DLGAP5: variants seen among roughly 807,000 people sequenced by gnomAD.
DLGAP5 encodes disks large-associated protein 5.
A neutral mutation model predicts 99.6 loss-of-function variants in DLGAP5; 90 were observed. The observed-to-expected ratio is 0.90, with a 90% confidence interval of 0.76 to 1.08. The LOEUF (loss-of-function observed/expected upper bound fraction) is 1.08. DLGAP5 is among the 50% of genes least tolerant of loss of function. The pLI is 0.00. For synonymous variants in DLGAP5, 311 were observed against 321.3 expected, an observed-to-expected ratio of 0.97 and a Z score of 0.34; for missense variants, 1,036 against 983.5, an observed-to-expected ratio of 1.05 and a Z score of -0.71.
intron 9 of DLGAP5, 135 bp downstream of exon 9, chr14:55,175,758 TG>T: frequency 1.3e-6 from 1 of 749,006 alleles, no homozygotes; most frequent in Non-Finnish European, 2.0e-6. Context: ...CCAAATGATA[TG>T]GTGAAAAAGA....
chr14:55,148,895 GAGGCTGTATCTTA>G (rs1203381981), intron 18 of DLGAP5, among the ~76,000 whole-genome samples: 11 of 152,098 alleles, frequency 7.2e-5, no homozygotes, highest in Non-Finnish European at 1.2e-4. Context: ...GAATAAAACT[GAGGCTGTATCTTA>G]AGCCACTTAC....
At chr14:55,161,569 C>T (rs1349373700) in intron 13 of DLGAP5, among the ~76,000 whole-genome samples, 1 of 150,872 alleles carries the variant, frequency 6.6e-6, no homozygotes, top group African/African-American at 2.4e-5. Context: ...GCCACCTCGC[C>T]CAGCTAATTT....
At chr14:55,181,400 A>G (rs984283597) in intron 4 of DLGAP5, 103 bp from the exon 5 acceptor site, 7 of 850,686 alleles carry the variant, frequency 8.2e-6, no homozygotes, top group African/African-American at 3.6e-5. Context: ...TGATCATCGT[A>G]AATGACCCAA....
chr14:55,150,971 A>AC lies in DLGAP5; in HGVS notation c.2369-124dup, dbSNP rs1195409937. 1.7e-5 allele frequency: 10 copies of AC among 594,964 alleles called. No individual in the cohort carries two copies. The African/African-American group carries it at 2.0e-4, about 12-fold the overall frequency. The allele number at this position is 594,964 out of a possible 1,614,324, so 36.9% of individuals were successfully genotyped here. ...ATCAAATGCTAAGACAAAAATATAG[A>AC]CCCCTATGCTATAATGTTTTTTGAA... On this transcript the variant is annotated intron_variant, in intron 17 of 18. Coordinates refer to ENST00000247191, the MANE Select transcript of DLGAP5 (RefSeq NM_014750.5).
Position 55,189,294 on chromosome 14 carries a change from T to C in DLGAP5, c.-1-114A>G, listed in dbSNP as rs898471663. 6 of 766,740 alleles carry C rather than the reference T, an allele frequency of 7.8e-6. No homozygotes were observed. The African/African-American group carries it at 8.9e-5, about 11-fold the overall frequency. 47.5% of individuals were successfully genotyped at this position (766,740 alleles called of 1,614,324 possible). A position where few individuals can be genotyped will look rare whatever the true frequency, so the allele number is the denominator to read the frequency against. On this transcript the variant is annotated intron_variant, in intron 1 of 18. Transcript: ENST00000247191. ...GGCCTTCTGAAATAAAAATATAAAA[T>C]GTGCAATGAAATAAATATGTAACAC...
rs1469982326 is a variant in DLGAP5 at position 55,176,037 on chromosome 14, A to C, written c.1050-19T>G. On this transcript the variant is annotated intron_variant, in intron 8 of 18. Transcript: ENST00000247191. ...CTCATCACTAAAAACAATAGCAAAA[A>C]TATACTTCATGAAACATGAACTCCA... 9.4e-6 allele frequency: 15 copies of C among 1,593,486 alleles called. No homozygotes were observed. The East Asian group carries it at 3.4e-4, about 36-fold the overall frequency.
At position 55,151,783 on chromosome 14, in the gene DLGAP5, T is replaced by G. The variant is rs552731400; in HGVS notation, c.2280A>C (p.Ser760=). ...EGMELNSSIT[S]QDVLMSSPEK... ...CAGGGCTACTCATCAAAACATCCTG[T>G]GATGTAATTGAAGAATTCAGTTCCA... The change falls in exon 17 of 19, where the codon TCA becomes TCC. Residue 760 remains serine, a synonymous_variant. Transcript: ENST00000247191. 2 of 1,614,020 alleles carry G rather than the reference T, an allele frequency of 1.2e-6. No individual in the cohort carries two copies. Among genetic ancestry groups the G allele is most frequent in the African/African-American group, 1.3e-5 (1 of 75,044 alleles).
At chr14:55,158,439 A>T in intron 14 of DLGAP5, 83 bp downstream of exon 14, 1 of 1,173,026 alleles carries the variant, frequency 8.5e-7, no homozygotes. Context: ...TTTTCACCTT[A>T]CACAAGCCCC....
chr14:55,150,124 A>G (rs1881966305), intron 18 of DLGAP5, among the ~76,000 whole-genome samples: 1 of 152,076 alleles, frequency 6.6e-6, no homozygotes, highest in Non-Finnish European at 1.5e-5. Context: ...GAAAGAGAGC[A>G]CTATTTAATT....
rs1361335694 is a variant in DLGAP5 at position 55,183,802 on chromosome 14, T to C, written c.239-49A>G. On this transcript the variant is annotated intron_variant, in intron 2 of 18. Coordinates refer to ENST00000247191, the MANE Select transcript of DLGAP5 (RefSeq NM_014750.5). ...CACACAGTATATAAAACATTTCAGA[T>C]GAAAAGTTATGCAAATGTATAAACA... The C allele has an allele frequency of 2.1e-6, 3 of 1,419,650 alleles. No homozygotes were observed. The Admixed American group carries it at 9.6e-5, about 46-fold the overall frequency. The allele number at this position is 1,419,650 out of a possible 1,614,324, so 87.9% of individuals were successfully genotyped here. A position where few individuals can be genotyped will look rare whatever the true frequency, so the allele number is the denominator to read the frequency against.
rs771857722 is a variant in DLGAP5, at chr14:55,154,843, TTC to T, written c.1874-39_1874-38del. 1.1e-5 allele frequency: 17 copies of T among 1,561,372 alleles called. 1 individual carries two copies. The Admixed American group carries it at 1.4e-4, about 13-fold the overall frequency. On this transcript the variant is annotated intron_variant, in intron 14 of 18. Coordinates refer to ENST00000247191, the MANE Select transcript of DLGAP5 (RefSeq NM_014750.5). ...GAGAAATCACCTCAATACCAAATAGTTCTTTTGCTTTTCATTATAACTAGGAA... is the reference window on the plus strand; with the variant it reads ...GAGAAATCACCTCAATACCAAATAGTTTTTGCTTTTCATTATAACTAGGAA...
chr14:55,180,723 T>G lies in DLGAP5; in HGVS notation c.636A>C (p.Ala212=), dbSNP rs780704199. The change falls in exon 6 of 19, where the codon GCA becomes GCC. Residue 212 remains alanine, a synonymous_variant. Transcript: ENST00000247191. The stretch of plus-strand genomic sequence containing the variant: ...AGACTGTTCTGGGAACCTGCTTTGC[T>G]GCTTGAGTAGCTGATCGAGTCATTC... ...SLRMTRSATQ[A]AKQVPRTVSS... 4 of 1,614,190 alleles carry G rather than the reference T, an allele frequency of 2.5e-6. No individual in the cohort carries two copies. Among genetic ancestry groups the G allele is most frequent in the Non-Finnish European group, 3.4e-6 (4 of 1,180,026 alleles).
chr14:55,170,650 G>A (rs370984134), intron 11 of DLGAP5, 52 bp downstream of exon 11: 22 of 1,406,378 alleles, frequency 1.6e-5, no homozygotes, highest in Middle Eastern at 3.5e-4. Context: ...TCAGATAAAC[G>A]TAACCATAGT....
At position 55,175,984 on chromosome 14, in the gene DLGAP5, G is replaced by A; in HGVS notation, c.1084C>T (p.Gln362Ter). 1 of 1,607,772 alleles carries A rather than the reference G, an allele frequency of 6.2e-7. No individual in the cohort carries two copies. The highest frequency in any genetic ancestry group is 8.5e-7 in the Non-Finnish European group (1 of 1,176,438). Residue 362 changes from glutamine (Q) to a stop codon, truncating the protein, a stop_gained, in exon 9 of 19, where the codon CAA becomes TAA. Coordinates refer to ENST00000247191, the MANE Select transcript of DLGAP5 (RefSeq NM_014750.5). LOFTEE classifies it high-confidence loss of function. Reference sequence around the variant, plus strand: ...TTGGTAGAGTAAGTTTTACATTTTTGTGCCAAAATTTCTTTTGTTGCTTGA... The same window carrying A: ...TTGGTAGAGTAAGTTTTACATTTTTATGCCAAAATTTCTTTTGTTGCTTGA... Reference protein sequence around the residue: ...ESQATKEILAQKCKTYSTKTI... With the variant: ...ESQATKEILA
At chr14:55,175,760 G>A in intron 9 of DLGAP5, 134 bp downstream of exon 9, 1 of 775,326 alleles carries the variant, frequency 1.3e-6, no homozygotes, top group Non-Finnish European at 1.9e-6. Flanking sequence ...AAATGATATG[G>A]TGAAAAAGAG....
intron 12 of DLGAP5, among the ~76,000 whole-genome samples, chr14:55,163,803 G>T (rs376737280): frequency 6.6e-6 from 1 of 152,172 alleles, no homozygotes; most frequent in South Asian, 2.1e-4. Context: ...TTTCATATGC[G>T]TATTTGCCAT....
At position 55,151,697 on chromosome 14, in the gene DLGAP5, GACTGAGAAAT is replaced by G; in HGVS notation, c.2356_2365del (p.Ile786GlnfsTer21). Reference sequence around the variant, plus strand: ...TAAATATATTTTAAATATCTCACCTGACTGAGAAATTTTAGTTTCCCCTTCTTCTAAGATG... The same window carrying G: ...TAAATATATTTTAAATATCTCACCTGTTTAGTTTCCCCTTCTTCTAAGATG... On this transcript the variant is annotated frameshift_variant, in exon 17 of 19. Transcript: ENST00000247191. LOFTEE classifies it high-confidence loss of function. The G allele has an allele frequency of 6.2e-7, 1 of 1,611,964 alleles. No homozygotes were observed. The highest frequency in any genetic ancestry group is 2.2e-5 in the East Asian group (1 of 44,800).
chr14:55,166,577 A>G (rs1193430221), intron 12 of DLGAP5, among the ~76,000 whole-genome samples: 2 of 151,992 alleles, frequency 1.3e-5, no homozygotes, highest in South Asian at 2.1e-4. Flanking sequence ...TAAAAATACA[A>G]AATTAGACAG....
intron 11 of DLGAP5, 148 bp from the exon 12 acceptor site, chr14:55,169,707 T>C (rs1882784784): frequency 1.6e-6 from 1 of 612,142 alleles, no homozygotes; most frequent in South Asian, 2.5e-5. Context: ...AACTTTGTCA[T>C]ACAAATACTG....
Sources: gnomAD v4.1 joint callset for allele counts (sites outside exome capture counted in the v4.1 genomes callset) on GRCh38, gnomAD v4.1.1 for gene constraint, MANE v1.5 for transcripts, NCBI Gene and HGNC (gene_info 2026-07-23, HGNC 2026-07-21) for gene names.